Variants in ZNF704 observed in about 807,000 individuals in gnomAD.
The protein encoded by ZNF704 is glucocorticoid induced gene 1.
In ZNF704, 10 loss-of-function variants were observed where a neutral mutation model predicts 44.7. The observed-to-expected ratio is 0.22, with a 90% CI of 0.14 to 0.38. The LOEUF (loss-of-function observed/expected upper bound fraction) is 0.38, where lower values mean the gene tolerates loss of function less well. Ranked by LOEUF, ZNF704 falls within the 10% of genes least tolerant of loss-of-function variation. The pLI, the probability that ZNF704 is intolerant of heterozygous loss-of-function variation, is 1.00. For synonymous variants in ZNF704, 211 were observed against 207.6 expected, an observed-to-expected ratio of 1.02 and a Z score of -0.14; for missense variants, 390 against 545.5, an observed-to-expected ratio of 0.71 and a Z score of 2.84.
intron 1 of ZNF704, among the ~76,000 whole-genome samples, chr8:80,846,062 G>A (rs528016098): frequency 6.6e-6 from 1 of 151,980 alleles, no homozygotes; most frequent in Non-Finnish European, 1.5e-5. Context: ...TTTGAAGAAC[G>A]AATCACTCAA....
intron 2 of ZNF704, among the ~76,000 whole-genome samples, chr8:80,797,536 A>G (rs2129778206): frequency 6.6e-6 from 1 of 152,200 alleles, no homozygotes; most frequent in East Asian, 1.9e-4. Flanking sequence ...TACCTTTCAG[A>G]GTGGCAGGTT....
chr8:80,653,970 T>C (rs1230561788), intron 7 of ZNF704, among the ~76,000 whole-genome samples: 1 of 152,176 alleles, frequency 6.6e-6, no homozygotes, highest in African/African-American at 2.4e-5. Flanking sequence ...CAAAATAGCA[T>C]GGTAATGGTA....
At chr8:80,821,861 C>T (rs1396309324) in intron 1 of ZNF704, among the ~76,000 whole-genome samples, 2 of 152,102 alleles carry the variant, frequency 1.3e-5, no homozygotes, top group South Asian at 2.1e-4. Flanking sequence ...CCCAGGTATA[C>T]AAAAACAAAG....
intron 2 of ZNF704, among the ~76,000 whole-genome samples, chr8:80,727,844 T>A (rs1806511883): frequency 6.6e-6 from 1 of 152,214 alleles, no homozygotes; most frequent in African/African-American, 2.4e-5. Context: ...TGGCATTTTA[T>A]TCAAGGGTGT....
chr8:80,793,166 T>C (rs575762851), intron 2 of ZNF704, among the ~76,000 whole-genome samples: 171 of 152,294 alleles, frequency 1.1e-3, no homozygotes, highest in Non-Finnish European at 7.8e-4. Context: ...TAAGATGTGG[T>C]GACTGATTTA....
At chr8:80,720,103 T>C (rs1371012809) in intron 2 of ZNF704, among the ~76,000 whole-genome samples, 2 of 152,172 alleles carry the variant, frequency 1.3e-5, no homozygotes, top group Non-Finnish European at 2.9e-5. Flanking sequence ...ATCCACGCAT[T>C]TCCCAGGACA....
chr8:80,829,177 A>G (rs779422461), intron 1 of ZNF704, among the ~76,000 whole-genome samples: 7 of 152,342 alleles, frequency 4.6e-5, no homozygotes, highest in African/African-American at 1.4e-4. Flanking sequence ...AAGACATAAA[A>G]TATTTCAGAC....
At chr8:80,791,119 A>G (rs1316187219) in intron 2 of ZNF704, among the ~76,000 whole-genome samples, 1 of 152,182 alleles carries the variant, frequency 6.6e-6, no homozygotes, top group East Asian at 1.9e-4. Flanking sequence ...GCTTATCAAG[A>G]GTAAGAAAAT....
intron 2 of ZNF704, among the ~76,000 whole-genome samples, chr8:80,741,673 G>C (rs947393758): frequency 6.6e-6 from 1 of 152,180 alleles, no homozygotes; most frequent in African/African-American, 2.4e-5. Context: ...ACCCAGCCAC[G>C]TTTCTTCCAG....
At chr8:80,803,439 C>T (rs1586039107) in intron 2 of ZNF704, among the ~76,000 whole-genome samples, 1 of 152,266 alleles carries the variant, frequency 6.6e-6, no homozygotes, top group East Asian at 1.9e-4. Context: ...AACTATACCT[C>T]AAGGCTACAG....
At chr8:80,709,394 A>G (rs1818947117) in intron 2 of ZNF704, among the ~76,000 whole-genome samples, 1 of 141,258 alleles carries the variant, frequency 7.1e-6, no homozygotes, top group Admixed American at 7.4e-5. Flanking sequence ...CAATAAGCAG[A>G]GATGGCACCA....
At chr8:80,682,223 A>C (rs908951738) in intron 4 of ZNF704, among the ~76,000 whole-genome samples, 21 of 152,342 alleles carry the variant, frequency 1.4e-4, no homozygotes, top group African/African-American at 4.8e-4. Flanking sequence ...CACAATTTAA[A>C]GTGATTCATA....
intron 1 of ZNF704, among the ~76,000 whole-genome samples, chr8:80,863,220 T>G (rs1001568031): frequency 5.9e-5 from 9 of 152,140 alleles, no homozygotes; most frequent in African/African-American, 2.2e-4. Context: ...AACCTGACAA[T>G]CAAAACATTT....
At position 80,687,454 on chromosome 8, in the gene ZNF704, G is replaced by C; in HGVS notation, c.330C>G (p.Ser110Arg). 6.4e-7 allele frequency: 1 copy of C among 1,554,026 alleles called. No individual in the cohort carries two copies. Among genetic ancestry groups the C allele is most frequent in the Non-Finnish European group, 8.7e-7 (1 of 1,151,716 alleles). Residue 110 changes from serine to arginine, a missense_variant, in exon 4 of 9, where the codon AGC becomes AGG. Physicochemically the swap from Ser to Arg is moderately radical, Grantham distance 110 (BLOSUM62 -1). Transcript: ENST00000327835. ...CGCCCTCCTTCCAGGATCCGCTGAG[G>C]CTCTCTGCATGCACACAAACACAGT... is the stretch of plus-strand genomic sequence containing the variant. The part of the protein sequence containing the change: ...VRSPPVRPNE[S>R]LSGSWKEGGC...
In ZNF704 at chr8:80,742,089, T is replaced by C. The variant is rs574415515; in HGVS notation, c.222-48982A>G. On this transcript the variant is annotated intron_variant, in intron 2 of 8. Transcript: ENST00000327835. Reference sequence around the variant, plus strand: ...TCAGGAAGCCATTAGGAGATTATTATTGGCTCTACAGAAACCTAAAGAGGT... The same window carrying C: ...TCAGGAAGCCATTAGGAGATTATTACTGGCTCTACAGAAACCTAAAGAGGT... Among the ~76,000 whole-genome samples the C allele has an allele frequency of 1.4e-3, 217 of 152,282 alleles. 1 individual carries two copies. Among genetic ancestry groups the C allele is most frequent in the Middle Eastern group, 3.4e-3 (1 of 294 alleles).
chr8:80,644,690 G>A (rs948888101), intron 7 of ZNF704, among the ~76,000 whole-genome samples: 1 of 152,148 alleles, frequency 6.6e-6, no homozygotes, highest in Non-Finnish European at 1.5e-5. Context: ...AGAACACATC[G>A]TGGCTTCTGG....
intron 2 of ZNF704, among the ~76,000 whole-genome samples, chr8:80,712,148 G>T (rs374184000): frequency 6.6e-6 from 1 of 152,294 alleles, no homozygotes; most frequent in East Asian, 1.9e-4. Flanking sequence ...GTGAGAGTGG[G>T]TTAGTTATCC....
chr8:80,665,831 A>ATTTTT (rs1041772341), intron 5 of ZNF704, among the ~76,000 whole-genome samples: 2 of 137,074 alleles, frequency 1.5e-5, no homozygotes, highest in African/African-American at 5.1e-5. Flanking sequence ...ATTTTATTTT[A>ATTTTT]TTTTTTTTTC....
intron 7 of ZNF704, among the ~76,000 whole-genome samples, chr8:80,652,917 T>C (rs1429853657): frequency 3.9e-5 from 6 of 152,036 alleles, no homozygotes; most frequent in Non-Finnish European, 8.8e-5. Flanking sequence ...CAAAAATCCT[T>C]AATAAAATAC....
Sources: gnomAD v4.1 joint callset for allele counts (sites outside exome capture counted in the v4.1 genomes callset) on GRCh38, gnomAD v4.1.1 for gene constraint, MANE v1.5 for transcripts, NCBI Gene and HGNC (gene_info 2026-07-23, HGNC 2026-07-21) for gene names.